Variants in CPD observed in about 807,000 individuals in gnomAD.
CPD encodes the protein metallocarboxypeptidase D.
CPD carries 69 observed loss-of-function variants against 138.3 expected under a neutral mutation model. The observed-to-expected ratio is 0.50, with a 90% confidence interval of 0.41 to 0.61. The LOEUF (loss-of-function observed/expected upper bound fraction) is 0.61, where lower values mean the gene tolerates loss of function less well. Ranked by LOEUF, CPD falls within the 20% of genes least tolerant of loss-of-function variation. CPD has a pLI of 0.00. For missense variants in CPD, 1,432 were observed against 1,733.3 expected (o/e 0.83, Z 3.09); for synonymous variants, 651 against 642.1 (o/e 1.01, Z -0.21).
intron 2 of CPD, among the ~76,000 whole-genome samples, chr17:30,389,869 G>C (rs1911303206): frequency 6.6e-6 from 1 of 152,022 alleles, no homozygotes; most frequent in Non-Finnish European, 1.5e-5. Flanking sequence ...ATTTCTCTTC[G>C]TACCTCAGCA....
At chr17:30,423,847 A>G (rs1308751809) in intron 6 of CPD, 150 bp downstream of exon 6, 1 of 578,662 alleles carries the variant, frequency 1.7e-6, no homozygotes, top group African/African-American at 1.9e-5. Context: ...GTATTCTTAT[A>G]TGATGATCTG....
At chr17:30,443,576 A>C (rs1252109045) in intron 10 of CPD, among the ~76,000 whole-genome samples, 2 of 152,214 alleles carry the variant, frequency 1.3e-5, no homozygotes, top group Non-Finnish European at 2.9e-5. Flanking sequence ...CTAAAGTTTA[A>C]ACAGTGTTAT....
At chr17:30,420,603 CT>C (rs1409555996) in intron 2 of CPD, among the ~76,000 whole-genome samples, 4 of 152,140 alleles carry the variant, frequency 2.6e-5, no homozygotes, top group Admixed American at 6.5e-5. Context: ...CTTTTTATAA[CT>C]GCTCATCCTA....
In CPD at chr17:30,380,000, T is replaced by C. The variant is rs192215026; in HGVS notation, c.746+274T>C. 3.2e-4 allele frequency among the ~76,000 whole-genome samples: 49 copies of C among 152,350 alleles called. No homozygotes were observed. Among genetic ancestry groups the C allele is most frequent in the Admixed American group, 1.0e-3 (16 of 15,314 alleles). On this transcript the variant is annotated intron_variant, in intron 1 of 20. Transcript: ENST00000225719. This position sits in a 1 kb window ranked among gnomAD's most constrained non-coding sequence, Gnocchi z 7.0. Reference sequence around the variant, plus strand: ...TCTGGTCCCTATTCTTACAGGGGCATAGAATATGAGCGAGAAGAGATCTTA... The same window carrying C: ...TCTGGTCCCTATTCTTACAGGGGCACAGAATATGAGCGAGAAGAGATCTTA...
intron 2 of CPD, among the ~76,000 whole-genome samples, chr17:30,419,017 TGAAA>T (rs1912192379): frequency 6.6e-6 from 1 of 152,176 alleles, no homozygotes; most frequent in African/African-American, 2.4e-5. Flanking sequence ...AATATGCCAG[TGAAA>T]TGGAGCATAT....
At chr17:30,442,595 A>G (rs1444867480) in intron 10 of CPD, 145 bp downstream of exon 10, 1 of 731,342 alleles carries the variant, frequency 1.4e-6, no homozygotes, top group Non-Finnish European at 2.2e-6. Flanking sequence ...TGTATATTCC[A>G]AGGTGTTTAA....
At chr17:30,384,280 A>T (rs1034784848) in intron 1 of CPD, among the ~76,000 whole-genome samples, 1 of 152,188 alleles carries the variant, frequency 6.6e-6, no homozygotes, top group East Asian at 1.9e-4. Context: ...ATGTGAATTT[A>T]GTATATTGTG....
intron 13 of CPD, among the ~76,000 whole-genome samples, chr17:30,451,022 A>G (rs1913153050): frequency 6.6e-6 from 1 of 152,210 alleles, no homozygotes; most frequent in African/African-American, 2.4e-5. Flanking sequence ...TATTTATTGA[A>G]TACATATTTT....
chr17:30,414,041 G>C (rs551601489), intron 2 of CPD, among the ~76,000 whole-genome samples: 3 of 152,226 alleles, frequency 2.0e-5, no homozygotes, highest in Non-Finnish European at 4.4e-5. Context: ...TGCAGAGCCA[G>C]TGATGGAGAG....
chr17:30,439,834 G>A (rs1450982591), intron 9 of CPD, among the ~76,000 whole-genome samples: 1 of 32,722 alleles, frequency 3.1e-5, no homozygotes, highest in Non-Finnish European at 5.5e-5. Flanking sequence ...TTGGTTCCAA[G>A]TCTTTGCTAT....
At position 30,465,811 on chromosome 17, in the gene CPD, C is replaced by A. The variant is rs1404990645; in HGVS notation, c.*997C>A. On this transcript the variant is annotated 3_prime_UTR_variant, in exon 21 of 21. Transcript: ENST00000225719. Reference sequence around the variant, plus strand: ...TGCACATTCTTAACCTGTATTTGAACACAAAATATCTATACTTCATGCTCC... The same window carrying A: ...TGCACATTCTTAACCTGTATTTGAAAACAAAATATCTATACTTCATGCTCC... 6.6e-6 allele frequency: 1 copy of A among 152,510 alleles called. No individual in the cohort carries two copies. Among genetic ancestry groups the A allele is most frequent in the African/African-American group, 2.4e-5 (1 of 41,406 alleles). The allele number at this position is 152,510 out of a possible 1,614,324, so 9.4% of individuals were successfully genotyped here.
At chr17:30,396,806 C>A (rs1301918070) in intron 2 of CPD, among the ~76,000 whole-genome samples, 1 of 151,922 alleles carries the variant, frequency 6.6e-6, no homozygotes, top group Non-Finnish European at 1.5e-5. Context: ...TCTTTCCTTT[C>A]CTTTCCTTTC....
intron 2 of CPD, among the ~76,000 whole-genome samples, chr17:30,391,423 GA>G (rs1911354779): frequency 6.6e-6 from 1 of 152,150 alleles, no homozygotes; most frequent in South Asian, 2.1e-4. Context: ...AGACAAAAAA[GA>G]ATTGCCTTCT....
intron 1 of CPD, among the ~76,000 whole-genome samples, chr17:30,382,216 C>G (rs1457156425): frequency 6.6e-6 from 1 of 152,078 alleles, no homozygotes; most frequent in Non-Finnish European, 1.5e-5. Context: ...TTTAGTTTGT[C>G]AGATATCAAG....
At chr17:30,436,637 GA>G (rs1472230663) in intron 8 of CPD, among the ~76,000 whole-genome samples, 1 of 152,190 alleles carries the variant, frequency 6.6e-6, no homozygotes, top group East Asian at 1.9e-4. Context: ...GGCAAAGGTG[GA>G]AAAATTGAAA....
chr17:30,455,515 A>G, intron 15 of CPD, 45 bp downstream of exon 15: 1 of 1,578,356 alleles, frequency 6.3e-7, no homozygotes, highest in African/African-American at 1.4e-5. Context: ...AAGCTTAGGT[A>G]GCAAATCCCA....
chr17:30,451,583 A>T, intron 13 of CPD, 128 bp from the exon 14 acceptor site: 2 of 822,782 alleles, frequency 2.4e-6, no homozygotes, highest in Non-Finnish European at 3.6e-6. Flanking sequence ...TTATTTTTTC[A>T]TTCATCTTAG....
intron 20 of CPD, among the ~76,000 whole-genome samples, chr17:30,464,101 A>G (rs183779625): frequency 3.0e-4 from 46 of 152,274 alleles, no homozygotes; most frequent in South Asian, 6.2e-4. Context: ...GCATAAAGAA[A>G]GATCTGGAGC....
At chr17:30,398,283 C>G (rs1045622068) in intron 2 of CPD, among the ~76,000 whole-genome samples, 1 of 151,794 alleles carries the variant, frequency 6.6e-6, no homozygotes, top group East Asian at 1.9e-4. Flanking sequence ...AATAGAAACT[C>G]GCTTATTTAT....
Sources: gnomAD v4.1 joint callset for allele counts (sites outside exome capture counted in the v4.1 genomes callset) on GRCh38, gnomAD v4.1.1 for gene constraint, Gnocchi (gnomAD v3.1) non-coding constraint, MANE v1.5 for transcripts, NCBI Gene and HGNC (gene_info 2026-07-23, HGNC 2026-07-21) for gene names.